RPA2: variants seen among roughly 807,000 people sequenced by gnomAD.
RPA2 encodes replication protein A 32 kDa subunit.
Under a neutral mutation model 33.4 loss-of-function variants are expected in RPA2, and 22 were observed. That is an observed-to-expected ratio of 0.66 (90% CI 0.47 to 0.94). The LOEUF is 0.94. RPA2 is among the 40% of genes least tolerant of loss of function. The pLI is 0.00. For synonymous variants in RPA2, 109 were observed against 114.9 expected (o/e 0.95, Z 0.33); for missense variants, 279 against 329.9 (o/e 0.85, Z 1.19).
intron 4 of RPA2, 61 bp downstream of exon 4, chr1:27,906,867 A>G: frequency 6.0e-6 from 7 of 1,170,150 alleles, no homozygotes; most frequent in Non-Finnish European, 8.6e-6. Context: ...AAAGACTAAA[A>G]AAGTTCAACA....
chr1:27,894,351 G>A lies in RPA2; in HGVS notation c.572C>T (p.Ala191Val). ...APISNPGMSEAGNFGGNSFMP... is the reference protein window; with the variant it reads ...APISNPGMSEVGNFGGNSFMP... ...GAAGCTATTCCCACCAAAGTTCCCT[G>A]CTTCACTCATTCCTGGATTGCTGAT... The change falls in exon 7 of 9, where the codon GCA becomes GTA. Residue 191 changes from alanine to valine, a missense_variant. Coordinates refer to ENST00000373912, the MANE Select transcript of RPA2 (RefSeq NM_002946.5). The A allele has an allele frequency of 2.5e-6, 4 of 1,614,046 alleles. No individual in the cohort carries two copies. Among genetic ancestry groups the A allele is most frequent in the Non-Finnish European group, 3.4e-6 (4 of 1,180,016 alleles).
chr1:27,898,179 T>C (rs902342418), intron 4 of RPA2, among the ~76,000 whole-genome samples: 1 of 152,102 alleles, frequency 6.6e-6, no homozygotes, highest in Admixed American at 6.6e-5. Context: ...AATTTTCTGG[T>C]GGATATACTT....
rs752479657 is a variant in RPA2 at position 27,907,272 on chromosome 1, G to A, written c.128C>T (p.Ala43Val). Residue 43 changes from alanine to valine, a missense_variant, in exon 3 of 9, where the codon GCC (alanine) becomes GTC (valine). Ala to Val is a moderately conservative substitution (Grantham distance 64). Around this residue, in one of 2 missense-constraint regions of RPA2, gnomAD observed 274 missense variants for 310.3 expected, o/e 0.88. Coordinates refer to ENST00000373912, the MANE Select transcript of RPA2 (RefSeq NM_002946.5). The stretch of plus-strand genomic sequence containing the variant: ...TATAGTACAGGGCACAATGTGCTGG[G>A]CTCGGGCTCTCTGAAAAGAAAAAAC... ...SQAEKKSRARAQHIVPCTISQ... is the reference protein window; with the variant it reads ...SQAEKKSRARVQHIVPCTISQ... 8.8e-6 allele frequency: 14 copies of A among 1,598,058 alleles called. No homozygotes were observed. In the African/African-American group the frequency reaches 1.8e-4, roughly 20 times the overall value.
chr1:27,895,113 G>GT (rs1187869769), intron 6 of RPA2, among the ~76,000 whole-genome samples: 1 of 152,046 alleles, frequency 6.6e-6, no homozygotes, highest in Non-Finnish European at 1.5e-5. Flanking sequence ...AACCTTCTCA[G>GT]TATCCCTCAT....
chr1:27,895,747 A>G (rs1249909827), intron 6 of RPA2, among the ~76,000 whole-genome samples: 3 of 152,180 alleles, frequency 2.0e-5, no homozygotes, highest in African/African-American at 7.2e-5. Context: ...AACAAAAACA[A>G]AAACAAAAAA....
chr1:27,903,462 C>G (rs2089991656), intron 4 of RPA2, among the ~76,000 whole-genome samples: 1 of 152,004 alleles, frequency 6.6e-6, no homozygotes, highest in Admixed American at 6.6e-5. Flanking sequence ...TGGCTCAAGC[C>G]TGTAATCCCA....
At chr1:27,898,544 ATTTT>A (rs5773203) in intron 4 of RPA2, among the ~76,000 whole-genome samples, 1 of 137,632 alleles carries the variant, frequency 7.3e-6, no homozygotes, top group African/African-American at 2.7e-5. Context: ...ACATTAGCTG[ATTTT>A]TTTTTTTTTT....
intron 2 of RPA2, 96 bp downstream of exon 2, chr1:27,913,967 G>C: frequency 1.8e-6 from 2 of 1,134,642 alleles, no homozygotes; most frequent in Non-Finnish European, 2.5e-6. Flanking sequence ...ATCAGTTCAC[G>C]TTGAAATCTT....
At position 27,897,683 on chromosome 1, in the gene RPA2, CCA is replaced by C; in HGVS notation, c.356_357del (p.Val119GlyfsTer26). The C allele has an allele frequency of 6.2e-7, 1 of 1,601,070 alleles. No homozygotes were observed. The highest frequency in any genetic ancestry group is 8.5e-7 in the Non-Finnish European group (1 of 1,173,908). On this transcript the variant is annotated frameshift_variant, in exon 5 of 9. Transcript: ENST00000373912. LOFTEE classifies it high-confidence loss of function. ...DTDDTSSENT[V>X]VPPETYVKVA... The stretch of plus-strand genomic sequence containing the variant: ...ACTTTCACATATGTTTCTGGAGGAA[CCA>C]CAGTGTTTTCACTGCTGGTGTCCTA...
In RPA2 at chr1:27,907,130, T is replaced by C; in HGVS notation, c.219+51A>G. 1.9e-6 allele frequency: 3 copies of C among 1,581,622 alleles called. No homozygotes were observed. The East Asian group carries it at 6.7e-5, about 35-fold the overall frequency. On this transcript the variant is annotated intron_variant, in intron 3 of 8. Coordinates refer to ENST00000373912, the MANE Select transcript of RPA2 (RefSeq NM_002946.5). ...TTTTGTATTTTTTAATGAAGTCTTA[T>C]TTCATTCTTTATTATGAGTAAGTGA...
At chr1:27,914,771 T>G (rs1312184198), upstream of RPA2, 6 of 1,223,484 alleles carry the variant, frequency 4.9e-6, no homozygotes, top group Non-Finnish European at 5.8e-6. Flanking sequence ...GGCAGAGCGG[T>G]ATCGCAAGAA....
rs2090034715 is a variant in RPA2 at position 27,906,836 on chromosome 1, T to C, written c.333+92A>G. The C allele has an allele frequency of 4.8e-6, 4 of 824,924 alleles. No homozygotes were observed. The South Asian group carries it at 7.3e-5, about 15-fold the overall frequency. 51.1% of individuals were successfully genotyped at this position (824,924 alleles called of 1,614,324 possible). On this transcript the variant is annotated intron_variant, in intron 4 of 8. Transcript: ENST00000373912. ...TGTCTTTGATGTCTTTTTGTATTAT[T>C]TTTATAAGAAAAAACTTTAAAAAGA...
Position 27,896,380 on chromosome 1 carries a change from G to C in RPA2, c.525+625C>G, listed in dbSNP as rs941154163. On this transcript the variant is annotated intron_variant, in intron 6 of 8. Transcript: ENST00000373912. Reference sequence around the variant, plus strand: ...ACAGGGTCTCCCTATGTTGCCCAGCGTGGTGTCTTGAACTGGGCTCAAGTG... The same window carrying C: ...ACAGGGTCTCCCTATGTTGCCCAGCCTGGTGTCTTGAACTGGGCTCAAGTG... Among the ~76,000 whole-genome samples the C allele has an allele frequency of 5.3e-5, 8 of 151,824 alleles. No homozygotes were observed. In the East Asian group the frequency reaches 1.6e-3, roughly 29 times the overall value.
intron 6 of RPA2, among the ~76,000 whole-genome samples, chr1:27,895,647 C>T (rs1373538256): frequency 2.6e-5 from 4 of 151,958 alleles, no homozygotes; most frequent in African/African-American, 9.7e-5. Flanking sequence ...AGGAGAATGG[C>T]GTGAACCCGG....
rs878925226 is a variant in RPA2, at chr1:27,914,546, C to T, written c.-103G>A. On this transcript the variant is annotated 5_prime_UTR_variant, in exon 1 of 9. Coordinates refer to ENST00000373912, the MANE Select transcript of RPA2 (RefSeq NM_002946.5). ...CCACTGCGCCGCTCTGGCTACTTTT[C>T]TCTGGCACCACAAACGCCTTCCCGC... is the stretch of plus-strand genomic sequence containing the variant. 2 of 1,610,686 alleles carry T rather than the reference C, an allele frequency of 1.2e-6. No individual in the cohort carries two copies. The highest frequency in any genetic ancestry group is 1.7e-6 in the Non-Finnish European group (2 of 1,178,776).
intron 2 of RPA2, among the ~76,000 whole-genome samples, chr1:27,907,853 A>AC (rs1418162191): frequency 6.6e-6 from 1 of 151,754 alleles, no homozygotes; most frequent in Non-Finnish European, 1.5e-5. Flanking sequence ...ATCTTTTTAA[A>AC]TTTTTTTTCT....
intron 4 of RPA2, among the ~76,000 whole-genome samples, chr1:27,905,971 T>C (rs922272638): frequency 2.0e-5 from 3 of 152,212 alleles, no homozygotes; most frequent in Admixed American, 1.3e-4. Context: ...GTTTGTAATA[T>C]GTTGCAAATA....
intron 6 of RPA2, among the ~76,000 whole-genome samples, chr1:27,895,291 G>A (rs2089875625): frequency 6.6e-6 from 1 of 152,144 alleles, no homozygotes; most frequent in Non-Finnish European, 1.5e-5. Context: ...GTATGGTGGT[G>A]CGTACCTGTA....
rs2089863043 is a variant in RPA2 at position 27,894,316 on chromosome 1, T to C, written c.607A>G (p.Asn203Asp). The change falls in exon 7 of 9, where the codon AAT becomes GAT. Residue 203 changes from asparagine to aspartate, a missense_variant. Asn to Asp is a conservative substitution (Grantham distance 23, BLOSUM62 1). This residue lies in a region of RPA2 where 274 missense variants were observed against 310.3 expected (regional missense o/e 0.88). Coordinates refer to ENST00000373912, the MANE Select transcript of RPA2 (RefSeq NM_002946.5). ...TGGTTTTGGGCCACAGTGAGGCCAT[T>C]TGCTGGCATGAAGCTATTCCCACCA... ...NFGGNSFMPANGLTVAQNQVL... is the reference protein window; with the variant it reads ...NFGGNSFMPADGLTVAQNQVL... 1 of 1,614,158 alleles carries C rather than the reference T, an allele frequency of 6.2e-7. No homozygotes were observed. The highest frequency in any genetic ancestry group is 2.2e-5 in the East Asian group (1 of 44,886).
Sources: allele counts gnomAD v4.1 joint callset (sites outside exome capture counted in the v4.1 genomes callset), GRCh38; gene constraint gnomAD v4.1.1; regional missense constraint gnomAD v4.1.1; transcripts MANE v1.5; gene names NCBI Gene and HGNC (gene_info 2026-07-23, HGNC 2026-07-21).